Variants in RNF10 observed in about 807,000 individuals in gnomAD.
The protein encoded by RNF10 is E3 ubiquitin-protein ligase RNF10.
A neutral mutation model predicts 91.4 loss-of-function variants in RNF10; 38 were observed. That is an observed-to-expected ratio of 0.42 (90% confidence interval 0.32 to 0.54). The LOEUF (loss-of-function observed/expected upper bound fraction) is 0.54. Ranked by LOEUF, RNF10 falls within the 20% of genes least tolerant of loss-of-function variation. The probability of loss-of-function intolerance (pLI) is 0.16; values close to 1 mark genes in which losing one functional copy is unlikely to be tolerated. For synonymous variants in RNF10, 364 were observed against 366.3 expected (o/e 0.99, Z 0.07); for missense variants, 945 against 1,012.0 (o/e 0.93, Z 0.90).
chr12:120,575,973 C>T (rs776607034), intron 16 of RNF10, 23 bp downstream of exon 16: 3 of 1,612,302 alleles, frequency 1.9e-6, no homozygotes, highest in East Asian at 2.2e-5. Flanking sequence ...GCTGGAGTGC[C>T]CAGGGTTGTC....
At chr12:120,559,067 T>A (rs1043368075) in intron 6 of RNF10, among the ~76,000 whole-genome samples, 15 of 7,100 alleles carry the variant, frequency 2.1e-3, no homozygotes, top group East Asian at 0.013. Context: ...TTTAAATTAT[T>A]TTTTTTATTT....
intron 7 of RNF10, among the ~76,000 whole-genome samples, chr12:120,561,864 G>A (rs1022811260): frequency 6.6e-6 from 1 of 152,214 alleles, no homozygotes; most frequent in African/African-American, 2.4e-5. Flanking sequence ...TGTCCAGGCT[G>A]AGGTGGAGTT....
At chr12:120,557,182 G>A in intron 4 of RNF10, 100 bp from the exon 5 acceptor site, 1 of 993,624 alleles carries the variant, frequency 1.0e-6, no homozygotes, top group South Asian at 1.5e-5. Flanking sequence ...CGGGGATAGA[G>A]ATGAGAGAGA....
rs1454212443 is a variant in RNF10, at chr12:120,565,115, C to T, written c.1709C>T (p.Thr570Ile). The T allele has an allele frequency of 6.2e-7, 1 of 1,613,942 alleles. No individual in the cohort carries two copies. Among genetic ancestry groups the T allele is most frequent in the Non-Finnish European group, 8.5e-7 (1 of 1,179,952 alleles). The change falls in exon 11 of 17, where the codon ACC becomes ATC. Residue 570 changes from threonine to isoleucine, a missense_variant. Transcript: ENST00000325954. ...AGATATCTCTCTCACTTGCCACTCACCTGTGAGTTCAGCATCTGTGAACTG... is the reference window on the plus strand; with the variant it reads ...AGATATCTCTCTCACTTGCCACTCATCTGTGAGTTCAGCATCTGTGAACTG... ...RHRYLSHLPL[T>I]CEFSICELAL...
Position 120,557,566 on chromosome 12 carries a change from A to G in RNF10, c.851A>G (p.His284Arg), listed in dbSNP as rs753250531. The G allele has an allele frequency of 1.5e-5, 25 of 1,614,244 alleles. No individual in the cohort carries two copies. Among genetic ancestry groups the G allele is most frequent in the Admixed American group, 3.3e-5 (2 of 60,024 alleles). ...DLKSVVATESHQYVVGDTITM... is the reference protein window; with the variant it reads ...DLKSVVATESRQYVVGDTITM... Reference sequence around the variant, plus strand: ...TTCAGTGTTGTTGCCACAGAGTCACATCAGTATGTTGTTGGTGATACCATT... The same window carrying G: ...TTCAGTGTTGTTGCCACAGAGTCACGTCAGTATGTTGTTGGTGATACCATT... Residue 284 changes from histidine to arginine, a missense_variant, in exon 6 of 17, where the codon CAT becomes CGT. Physicochemically the swap from His to Arg is conservative, Grantham distance 29. Transcript: ENST00000325954.
intron 4 of RNF10, among the ~76,000 whole-genome samples, chr12:120,556,068 C>T (rs1387125674): frequency 3.9e-5 from 6 of 152,108 alleles, no homozygotes; most frequent in South Asian, 4.2e-4. Context: ...GGATTACAGG[C>T]GTGAGCCACC....
At chr12:120,551,278 G>A (rs1040698166) in intron 2 of RNF10, among the ~76,000 whole-genome samples, 2 of 136,096 alleles carry the variant, frequency 1.5e-5, no homozygotes, top group Non-Finnish European at 3.1e-5. Context: ...GAGCCACTGC[G>A]CCCATCCTAG....
intron 14 of RNF10, chr12:120,575,382 G>T (rs1344708419): frequency 4.0e-6 from 2 of 495,918 alleles, no homozygotes; most frequent in Non-Finnish European, 3.6e-6. Context: ...CTTCTGTGCA[G>T]TGTTCTTTAC....
In RNF10 at chr12:120,541,046, G is replaced by A. The variant is rs186260817; in HGVS notation, c.158-5359G>A. On this transcript the variant is annotated intron_variant, in intron 1 of 16. Transcript: ENST00000325954. ...AATTTTTTGTATTTTTAGTAGAGAC[G>A]GGGTTTCTCCATGTTGGTCAGGCTG... is the stretch of plus-strand genomic sequence containing the variant. Among the ~76,000 whole-genome samples, 256 of 152,134 alleles carry A rather than the reference G, an allele frequency of 1.7e-3. 5 individuals are homozygous for A. In the East Asian group the frequency reaches 0.034, roughly 20 times the overall value.
At chr12:120,551,901 T>TA (rs1873146866) in intron 2 of RNF10, among the ~76,000 whole-genome samples, 1 of 152,082 alleles carries the variant, frequency 6.6e-6, no homozygotes, top group Non-Finnish European at 1.5e-5. Context: ...GACTCACAGT[T>TA]CTGCAGGCTG....
At chr12:120,572,054 C>CT (rs1876709301) in intron 14 of RNF10, among the ~76,000 whole-genome samples, 2 of 135,246 alleles carry the variant, frequency 1.5e-5, no homozygotes, top group Admixed American at 1.7e-4. Context: ...GAATCATTAT[C>CT]TTGACAGTTT....
Position 120,563,556 on chromosome 12 carries a change from G to T in RNF10, c.1464G>T (p.Gln488His). ...KEGTICTESS[Q>H]QEPITKSGFT... The stretch of plus-strand genomic sequence containing the variant: ...GGACCATTTGCACTGAGTCCAGCCA[G>T]CAGGAACCCATCACCAAGTCAGGCT... The change falls in exon 9 of 17, where the codon CAG becomes CAT. Residue 488 changes from glutamine to histidine, a missense_variant. Coordinates refer to ENST00000325954, the MANE Select transcript of RNF10 (RefSeq NM_014868.5). 5 of 1,613,926 alleles carry T rather than the reference G, an allele frequency of 3.1e-6. No homozygotes were observed. The highest frequency in any genetic ancestry group is 4.2e-6 in the Non-Finnish European group (5 of 1,179,900).
At chr12:120,564,680 C>T (rs1875408881) in intron 10 of RNF10, among the ~76,000 whole-genome samples, 1 of 152,142 alleles carries the variant, frequency 6.6e-6, no homozygotes, top group Admixed American at 6.6e-5. Flanking sequence ...CTTTATCTTC[C>T]TTCCCAGTTA....
chr12:120,568,664 C>T (rs946792320), intron 13 of RNF10, among the ~76,000 whole-genome samples: 7 of 151,766 alleles, frequency 4.6e-5, no homozygotes, highest in African/African-American at 1.7e-4. Flanking sequence ...TTAATAGAGA[C>T]AGGGTCTCTC....
Position 120,576,631 on chromosome 12 carries a change from C to T in RNF10, c.2401C>T (p.Leu801Phe). 1.2e-6 allele frequency: 2 copies of T among 1,614,066 alleles called. No homozygotes were observed. Among genetic ancestry groups the T allele is most frequent in the Non-Finnish European group, 8.5e-7 (1 of 1,179,956 alleles). The part of the protein sequence containing the change: ...GKKRKKQKQK[L>F]LFSTSVVHTK ...GAAAAGAAAAAAACAGAAACAGAAG[C>T]TCCTGTTCAGCACCTCAGTCGTCCA... The change falls in exon 17 of 17, where the codon CTC becomes TTC. Residue 801 changes from leucine to phenylalanine, a missense_variant. Leu to Phe is a conservative substitution (Grantham distance 22). Coordinates refer to ENST00000325954, the MANE Select transcript of RNF10 (RefSeq NM_014868.5).
intron 14 of RNF10, among the ~76,000 whole-genome samples, chr12:120,572,819 T>C (rs549828818): frequency 1.3e-5 from 2 of 151,626 alleles, no homozygotes; most frequent in East Asian, 1.9e-4. Context: ...CAGGCTGGTC[T>C]AGAACTCTTG....
At chr12:120,576,566 C>T (rs1201796568) in intron 16 of RNF10, 24 bp from the exon 17 acceptor site, 2 of 1,609,778 alleles carry the variant, frequency 1.2e-6, no homozygotes, top group South Asian at 2.2e-5. Context: ...TTAAGTTAAG[C>T]TGTCTTTCTG....
At chr12:120,576,524 T>C in intron 16 of RNF10, 66 bp from the exon 17 acceptor site, 3 of 1,566,592 alleles carry the variant, frequency 1.9e-6, no homozygotes, top group Non-Finnish European at 2.6e-6. Flanking sequence ...CTCTCAGTAA[T>C]GAAAACTGGC....
intron 14 of RNF10, among the ~76,000 whole-genome samples, chr12:120,572,799 C>T (rs1044918989): frequency 7.3e-5 from 11 of 151,610 alleles, no homozygotes; most frequent in Admixed American, 2.0e-4. Flanking sequence ...CAGGGTTTTA[C>T]CATGTTGGCC....
Sources: gnomAD v4.1 joint callset for allele counts (sites outside exome capture counted in the v4.1 genomes callset) on GRCh38, gnomAD v4.1.1 for gene constraint, MANE v1.5 for transcripts, NCBI Gene and HGNC (gene_info 2026-07-23, HGNC 2026-07-21) for gene names.